Variants in COP1 observed in about 807,000 individuals in gnomAD.
COP1 encodes E3 ubiquitin-protein ligase COP1.
In COP1, 24 loss-of-function variants were observed where a neutral mutation model predicts 101.3. That is an observed-to-expected ratio of 0.24 (90% confidence interval 0.17 to 0.33). COP1 has a LOEUF of 0.33. Among genes scored for constraint, COP1 ranks in the 10% least tolerant of loss-of-function variants. The pLI is 1.00. For synonymous variants in COP1, 347 were observed against 341.9 expected, an observed-to-expected ratio of 1.01 and a Z score of -0.17; for missense variants, 663 against 906.2, an observed-to-expected ratio of 0.73 and a Z score of 3.45.
chr1:176,101,812 TGATGGG>T (rs920097290), intron 9 of COP1, among the ~76,000 whole-genome samples: 3 of 152,202 alleles, frequency 2.0e-5, no homozygotes, highest in Admixed American at 2.0e-4. Context: ...TGGCCCCTTT[TGATGGG>T]ACCCTTAGAC....
chr1:176,057,616 C>T (rs541173883), intron 11 of COP1, among the ~76,000 whole-genome samples: 275 of 152,294 alleles, frequency 1.8e-3, no homozygotes, highest in African/African-American at 6.3e-3. Flanking sequence ...GGATTGCAGA[C>T]GGAGTCTCGT....
chr1:176,205,364 A>G (rs925520466), intron 1 of COP1, among the ~76,000 whole-genome samples: 1 of 152,248 alleles, frequency 6.6e-6, no homozygotes, highest in African/African-American at 2.4e-5. Context: ...AAAAAGCAGA[A>G]AGGTGAATAA....
At chr1:176,088,988 TCA>T (rs1476229239) in intron 9 of COP1, among the ~76,000 whole-genome samples, 4 of 85,418 alleles carry the variant, frequency 4.7e-5, no homozygotes, top group Non-Finnish European at 7.4e-5. Flanking sequence ...AGAGCAAAAC[TCA>T]GTCTCCAAAA....
At chr1:176,174,068 T>C (rs1269677778) in intron 3 of COP1, among the ~76,000 whole-genome samples, 1 of 139,624 alleles carries the variant, frequency 7.2e-6, no homozygotes, top group Non-Finnish European at 1.6e-5. Context: ...ATTTTTATAT[T>C]CCTTCCATAC....
At chr1:176,101,349 A>G (rs749640353) in intron 9 of COP1, among the ~76,000 whole-genome samples, 1 of 152,162 alleles carries the variant, frequency 6.6e-6, no homozygotes, top group Non-Finnish European at 1.5e-5. Context: ...ATAAGCAGCC[A>G]TTCATCTTCA....
intron 15 of COP1, among the ~76,000 whole-genome samples, chr1:176,006,005 G>A (rs1357635088): frequency 6.6e-6 from 1 of 152,156 alleles, no homozygotes; most frequent in Non-Finnish European, 1.5e-5. Context: ...AGGTCACTCA[G>A]GACTTGCTTT....
chr1:175,947,958 A>G (rs745333539), intron 18 of COP1, among the ~76,000 whole-genome samples: 3 of 152,188 alleles, frequency 2.0e-5, no homozygotes, highest in Non-Finnish European at 2.9e-5. Flanking sequence ...TTGATGTAAA[A>G]CCTGCCAACA....
At chr1:176,056,306 A>G (rs1306407040) in intron 11 of COP1, among the ~76,000 whole-genome samples, 1 of 152,130 alleles carries the variant, frequency 6.6e-6, no homozygotes, top group African/African-American at 2.4e-5. Flanking sequence ...TAATTATGTT[A>G]TTTAGGGCTT....
chr1:175,979,977 A>T (rs1477949939), intron 18 of COP1, among the ~76,000 whole-genome samples: 1 of 152,176 alleles, frequency 6.6e-6, no homozygotes, highest in Non-Finnish European at 1.5e-5. Flanking sequence ...AGGGGTAATT[A>T]AAAATATAAT....
chr1:176,093,757 G>A (rs919183566), intron 9 of COP1, among the ~76,000 whole-genome samples: 4 of 151,526 alleles, frequency 2.6e-5, no homozygotes, highest in African/African-American at 7.3e-5. Flanking sequence ...GGAGAATGCT[G>A]TGAACCTGGG....
chr1:176,099,290 T>C (rs981581265), intron 9 of COP1, among the ~76,000 whole-genome samples: 2 of 152,348 alleles, frequency 1.3e-5, no homozygotes, highest in African/African-American at 4.8e-5. Context: ...GCAGGACTCA[T>C]GAAGAACTAA....
At chr1:175,965,437 C>T (rs1244124706) in intron 18 of COP1, among the ~76,000 whole-genome samples, 1 of 152,102 alleles carries the variant, frequency 6.6e-6, no homozygotes, top group African/African-American at 2.4e-5. Context: ...GTTACTTCAT[C>T]CTATTGGGCC....
chr1:176,113,563 T>C (rs559766960), intron 9 of COP1, among the ~76,000 whole-genome samples: 4 of 152,270 alleles, frequency 2.6e-5, no homozygotes, highest in African/African-American at 9.6e-5. Flanking sequence ...AGTGTTAATA[T>C]AAATGGTAAC....
chr1:176,082,019 T>A (rs1679241446), intron 10 of COP1, among the ~76,000 whole-genome samples: 1 of 152,138 alleles, frequency 6.6e-6, no homozygotes, highest in Non-Finnish European at 1.5e-5. Context: ...GGAAGATAAA[T>A]CATGTGGAAT....
In COP1 at chr1:176,043,179, A is replaced by T; in HGVS notation, c.1612+7T>A. ...AGGAGGTGCTGAGAAAGAGATTCAA[A>T]CAGTACCTTTTGCATCATCAGAACC... On this transcript the variant is annotated splice_region_variant and intron_variant, in intron 14 of 19. Coordinates refer to ENST00000367669, the MANE Select transcript of COP1 (RefSeq NM_022457.7). The T allele has an allele frequency of 6.3e-7, 1 of 1,589,358 alleles. No homozygotes were observed. Among genetic ancestry groups the T allele is most frequent in the South Asian group, 1.1e-5 (1 of 90,496 alleles).
chr1:176,035,264 T>TA (rs1669296299), intron 14 of COP1, among the ~76,000 whole-genome samples: 1 of 150,770 alleles, frequency 6.6e-6, no homozygotes, highest in Non-Finnish European at 1.5e-5. Context: ...TATTTTTTTT[T>TA]TAAAAAGAAT....
intron 1 of COP1, among the ~76,000 whole-genome samples, chr1:176,184,973 A>C (rs1698262716): frequency 6.6e-6 from 1 of 152,078 alleles, no homozygotes; most frequent in Non-Finnish European, 1.5e-5. Flanking sequence ...TCGGCACATA[A>C]TTTTTAGTAG....
intron 18 of COP1, among the ~76,000 whole-genome samples, chr1:175,972,572 C>A (rs1205671691): frequency 6.7e-6 from 1 of 149,124 alleles, no homozygotes; most frequent in African/African-American, 2.5e-5. Context: ...TCAAGCGATT[C>A]TCCTGCCTCA....
intron 18 of COP1, among the ~76,000 whole-genome samples, chr1:175,977,920 C>T (rs1349701752): frequency 2.6e-5 from 4 of 151,804 alleles, no homozygotes; most frequent in African/African-American, 9.7e-5. Flanking sequence ...AAATAATATC[C>T]AATATTCACT....
Sources: allele counts gnomAD v4.1 joint callset (sites outside exome capture counted in the v4.1 genomes callset), GRCh38; gene constraint gnomAD v4.1.1; transcripts MANE v1.5; gene names NCBI Gene and HGNC (gene_info 2026-07-23, HGNC 2026-07-21).